COL6A3: variants seen among roughly 807,000 people sequenced by gnomAD.
COL6A3 encodes collagen type VI alpha 3 chain, also known as collagen alpha-3(VI) chain.
In COL6A3, 137 loss-of-function variants were observed where a neutral mutation model predicts 274.1. The observed-to-expected ratio is 0.50, with a 90% confidence interval of 0.44 to 0.58. The LOEUF (loss-of-function observed/expected upper bound fraction) is 0.58, where lower values mean the gene tolerates loss of function less well. Ranked by LOEUF, COL6A3 falls within the 20% of genes least tolerant of loss-of-function variation. COL6A3 has a pLI of 0.00. For synonymous variants in COL6A3, 1,650 were observed against 1,650.6 expected, an observed-to-expected ratio of 1.00 and a Z score of 0.01; for missense variants, 3,950 against 4,124.9, an observed-to-expected ratio of 0.96 and a Z score of 1.16.
At position 237,348,631 on chromosome 2, in the gene COL6A3, T is replaced by C. The variant is rs746697715; in HGVS notation, c.6912A>G (p.Glu2304=). Residue 2304 remains glutamate (E), a synonymous_variant, in exon 29 of 44, where the codon GAA becomes GAG. Transcript: ENST00000295550. ...GDDGRDGVGS[E]GRRGKKGERG... ...TACGTACTTTTTTGCCTCTGCGTCCTTCACTGCCAACTCCGTCTCTCCCGT... is the reference window on the plus strand; with the variant it reads ...TACGTACTTTTTTGCCTCTGCGTCCCTCACTGCCAACTCCGTCTCTCCCGT... 6.8e-6 allele frequency: 11 copies of C among 1,614,210 alleles called. No individual in the cohort carries two copies. The Admixed American group carries it at 1.7e-4, about 24-fold the overall frequency.
intron 14 of COL6A3, among the ~76,000 whole-genome samples, chr2:237,362,497 C>T (rs887380568): frequency 9.8e-5 from 15 of 152,364 alleles, no homozygotes; most frequent in Middle Eastern, 3.4e-3. Flanking sequence ...TTTCTTCCAA[C>T]GAGCTTCCAA....
intron 36 of COL6A3, chr2:237,343,818 G>A (rs1036985417): frequency 1.5e-5 from 3 of 197,886 alleles, no homozygotes; most frequent in African/African-American, 7.0e-5. Context: ...ATCAGCACAT[G>A]GGTTTCAGAG....
Position 237,367,123 on chromosome 2 carries a change from A to C in COL6A3, c.5064T>G (p.Thr1688=). The change falls in exon 11 of 44, where the codon ACT becomes ACG. Residue 1688 remains threonine, a synonymous_variant. Transcript: ENST00000295550. ...AGAAGTCCTTCAGGAAGAATTCGTC[A>C]GTGGGGTCAGAGTTGTACTGGACAA... is the stretch of plus-strand genomic sequence containing the variant. ...VGLVQYNSDP[T]DEFFLKDFST... 1 of 1,614,212 alleles carries C rather than the reference A, an allele frequency of 6.2e-7. No individual in the cohort carries two copies. Among genetic ancestry groups the C allele is most frequent in the Non-Finnish European group, 8.5e-7 (1 of 1,180,028 alleles).
rs115591088 is a variant in COL6A3 at position 237,344,428 on chromosome 2, C to T, written c.7590G>A (p.Val2530=). 149 of 1,614,250 alleles carry T rather than the reference C, an allele frequency of 9.2e-5. No homozygotes were observed. The highest frequency in any genetic ancestry group is 1.2e-4 in the Non-Finnish European group (141 of 1,180,040). The part of the protein sequence containing the change: ...TRASPQLREA[V]LKLSDAGITP... ...TGATCCCCGCATCTGAGAGCTTGAG[C>T]ACAGCCTCTCTGAGCTGTGGGGATG... The change falls in exon 36 of 44, where the codon GTG becomes GTA. Residue 2530 remains valine, a synonymous_variant. Coordinates refer to ENST00000295550, the MANE Select transcript of COL6A3 (RefSeq NM_004369.4). The surrounding 1 kb of genome is among the most constrained non-coding windows in gnomAD (Gnocchi z 4.8).
rs189174044 is a variant in COL6A3, at chr2:237,401,343, G to T, written c.-30-4496C>A. Among the ~76,000 whole-genome samples, 6 of 152,246 alleles carry T rather than the reference G, an allele frequency of 3.9e-5. No homozygotes were observed. In the East Asian group the frequency reaches 9.6e-4, roughly 24 times the overall value. Reference sequence around the variant, plus strand: ...TCCAAAAGATGGAAACAACTTAAAAGTCCATCAATAGATGAGATGAATAAA... The same window carrying T: ...TCCAAAAGATGGAAACAACTTAAAATTCCATCAATAGATGAGATGAATAAA... On this transcript the variant is annotated intron_variant, in intron 1 of 43. Transcript: ENST00000295550.
intron 4 of COL6A3, among the ~76,000 whole-genome samples, chr2:237,382,339 C>T (rs2078028913): frequency 1.3e-5 from 2 of 151,928 alleles, no homozygotes; most frequent in Non-Finnish European, 2.9e-5. Context: ...GCCGGGATTG[C>T]ACCACTGCAC....
chr2:237,333,012 C>T (rs1700343353), intron 42 of COL6A3: 1 of 286,846 alleles, frequency 3.5e-6, no homozygotes, highest in African/African-American at 2.2e-5. Flanking sequence ...ACCAGAACAC[C>T]CCATGGGTCA....
intron 1 of COL6A3, among the ~76,000 whole-genome samples, chr2:237,398,758 T>C (rs537404178): frequency 6.6e-6 from 1 of 152,338 alleles, no homozygotes; most frequent in African/African-American, 2.4e-5. Flanking sequence ...TTACCCAGAC[T>C]GGCCAGGGGT....
At chr2:237,351,997 T>C (rs1203819963) in intron 26 of COL6A3, among the ~76,000 whole-genome samples, 3 of 152,224 alleles carry the variant, frequency 2.0e-5, no homozygotes, top group African/African-American at 7.2e-5. Context: ...CGTAATTCCG[T>C]GACACCTGAT....
intron 1 of COL6A3, among the ~76,000 whole-genome samples, chr2:237,401,978 C>T (rs1196986902): frequency 6.6e-6 from 1 of 152,114 alleles, no homozygotes; most frequent in Non-Finnish European, 1.5e-5. Flanking sequence ...AGCCACTGTG[C>T]ACGGCCTACT....
Position 237,344,494 on chromosome 2 carries a change from C to T in COL6A3, c.7524G>A (p.Met2508Ile), listed in dbSNP as rs1413058858. Residue 2508 changes from methionine to isoleucine, a missense_variant, in exon 36 of 44, where the codon ATG becomes ATA. Physicochemically the swap from Met to Ile is conservative, Grantham distance 10. Coordinates refer to ENST00000295550, the MANE Select transcript of COL6A3 (RefSeq NM_004369.4). This position sits in a 1 kb window ranked among gnomAD's most constrained non-coding sequence, Gnocchi z 4.8. The stretch of plus-strand genomic sequence containing the variant: ...TGCTGAAGAAAACAGCCACTTTCCT[C>T]ATTAGGAATCCGTTCCTCACACGCT... The part of the protein sequence containing the change: ...TFKRVRNGFL[M>I]RKVAVFFSNT... The T allele has an allele frequency of 1.9e-6, 3 of 1,614,224 alleles. No homozygotes were observed. The South Asian group carries it at 3.3e-5, about 18-fold the overall frequency.
At chr2:237,347,983 A>G (rs967665813) in intron 30 of COL6A3, 114 bp from the exon 31 acceptor site, 3 of 971,466 alleles carry the variant, frequency 3.1e-6, no homozygotes, top group African/African-American at 1.6e-5. Context: ...CCGGGCAGCC[A>G]AGTGGTTAGT....
At position 237,368,521 on chromosome 2, in the gene COL6A3, G is replaced by C. The variant is rs992406829; in HGVS notation, c.4900+42C>G. The C allele has an allele frequency of 1.2e-6, 2 of 1,602,190 alleles. No individual in the cohort carries two copies. The highest frequency in any genetic ancestry group is 4.5e-5 in the East Asian group (2 of 44,654). ...TTACTTTTTTAACTAAAAAAAAAATGTTGATGTCACACTCTGTAGTCATGG... is the reference window on the plus strand; with the variant it reads ...TTACTTTTTTAACTAAAAAAAAAATCTTGATGTCACACTCTGTAGTCATGG... On this transcript the variant is annotated intron_variant, in intron 10 of 43. Coordinates refer to ENST00000295550, the MANE Select transcript of COL6A3 (RefSeq NM_004369.4). This position sits in a 1 kb window ranked among gnomAD's most constrained non-coding sequence, Gnocchi z 4.4.
rs749935743 is a variant in COL6A3 at position 237,381,067 on chromosome 2, A to C, written c.1745T>G (p.Ile582Ser). ...LKRSSIMAFA[I>S]GNKGADQAEL... is the part of the protein sequence containing the mutation. Reference sequence around the variant, plus strand: ...AGCCTGATCGGCACCCTTGTTCCCAATGGCAAAGGCCATTATGCTGCTTCT... The same window carrying C: ...AGCCTGATCGGCACCCTTGTTCCCACTGGCAAAGGCCATTATGCTGCTTCT... The change falls in exon 5 of 44, where the codon ATT becomes AGT. Residue 582 changes from isoleucine to serine, a missense_variant. This residue lies in a region of COL6A3 where 1,934 missense variants were observed against 1,984.3 expected (regional missense o/e 0.97). Coordinates refer to ENST00000295550, the MANE Select transcript of COL6A3 (RefSeq NM_004369.4). The C allele has an allele frequency of 6.2e-7, 1 of 1,614,098 alleles. No homozygotes were observed. The highest frequency in any genetic ancestry group is 1.3e-5 in the African/African-American group (1 of 74,942).
At chr2:237,326,162 G>A (rs1042298413) in intron 42 of COL6A3, 3 of 163,778 alleles carry the variant, frequency 1.8e-5, no homozygotes, top group Admixed American at 1.8e-4. Flanking sequence ...TTGGGATATA[G>A]TTCAAAAATA....
chr2:237,395,195 T>G lies in COL6A3; in HGVS notation c.101A>C (p.Asn34Thr). 1.9e-6 allele frequency: 3 copies of G among 1,613,234 alleles called. No individual in the cohort carries two copies. Among genetic ancestry groups the G allele is most frequent in the Non-Finnish European group, 1.7e-6 (2 of 1,179,956 alleles). The change falls in exon 3 of 44, where the codon AAT (asparagine) becomes ACT (threonine). Residue 34 changes from asparagine (N) to threonine (T), a missense_variant. Coordinates refer to ENST00000295550, the MANE Select transcript of COL6A3 (RefSeq NM_004369.4). ...AAATATTATATCAGCAGCCGCACCA[T>G]TTTTGACATCTTTAAAAAAAGACAT... ...HAQQQQADVK[N>T]GAAADIIFLV...
intron 1 of COL6A3, among the ~76,000 whole-genome samples, chr2:237,397,988 C>T (rs917566404): frequency 1.3e-5 from 2 of 152,192 alleles, no homozygotes; most frequent in African/African-American, 4.8e-5. Context: ...AGGCACAAGG[C>T]ATCAGGTTTT....
At chr2:237,385,342 T>A (rs575357091) in intron 4 of COL6A3, among the ~76,000 whole-genome samples, 1 of 152,242 alleles carries the variant, frequency 6.6e-6, no homozygotes, top group Non-Finnish European at 1.5e-5. Flanking sequence ...ATATTAAACA[T>A]GATGTTTGTA....
intron 28 of COL6A3, 92 bp downstream of exon 28, chr2:237,350,055 G>T: frequency 8.5e-7 from 1 of 1,171,676 alleles, no homozygotes; most frequent in Non-Finnish European, 1.3e-6. Flanking sequence ...CAAGAAGCAA[G>T]GCTCATCTTT....
Sources: allele counts gnomAD v4.1 joint callset (sites outside exome capture counted in the v4.1 genomes callset), GRCh38; gene constraint gnomAD v4.1.1; regional missense constraint gnomAD v4.1.1; non-coding constraint Gnocchi (gnomAD v3.1); transcripts MANE v1.5; gene names NCBI Gene and HGNC (gene_info 2026-07-23, HGNC 2026-07-21).